The following CEP112 variants were observed in gnomAD, a reference collection of about 807,000 sequenced individuals.
CEP112 encodes centrosomal protein of 112 kDa.
In CEP112, 127 loss-of-function variants were observed where a neutral mutation model predicts 153.0. The ratio of observed to expected loss-of-function variants is 0.83; its 90% CI spans 0.72 to 0.96. The LOEUF (loss-of-function observed/expected upper bound fraction) is 0.96. Among genes scored for constraint, CEP112 ranks in the 40% least tolerant of loss-of-function variants. CEP112 has a pLI of 0.00. For synonymous variants in CEP112, 358 were observed against 374.4 expected, an observed-to-expected ratio of 0.96 and a Z score of 0.51; for missense variants, 1,089 against 1,101.2, an observed-to-expected ratio of 0.99 and a Z score of 0.16.
intron 19 of CEP112, among the ~76,000 whole-genome samples, chr17:65,925,177 A>T (rs1424816520): frequency 6.6e-6 from 1 of 152,170 alleles, no homozygotes; most frequent in Non-Finnish European, 1.5e-5. Flanking sequence ...TAAGTCTCAC[A>T]AGATCCGACG....
At position 65,790,910 on chromosome 17, in the gene CEP112, A is replaced by G. The variant is rs112227280; in HGVS notation, c.2395-40186T>C. ...GCTAAACCTTCCATCTTAGTCTAAC[A>G]CCCTTGCGTTGGGGATGTACCTGAC... On this transcript the variant is annotated intron_variant, in intron 21 of 26. Transcript: ENST00000535342. Among the ~76,000 whole-genome samples, 858 of 152,110 alleles carry G rather than the reference A, an allele frequency of 5.6e-3. 10 individuals are homozygous for G. Among genetic ancestry groups the G allele is most frequent in the African/African-American group, 0.019 (803 of 41,478 alleles).
intron 4 of CEP112, among the ~76,000 whole-genome samples, chr17:66,159,235 G>C (rs2071586805): frequency 6.6e-6 from 1 of 152,108 alleles, no homozygotes; most frequent in Admixed American, 6.5e-5. Flanking sequence ...AAAAGCCCAG[G>C]TCCAGATGGA....
chr17:65,682,624 C>T (rs2047588705), intron 24 of CEP112, among the ~76,000 whole-genome samples: 1 of 152,158 alleles, frequency 6.6e-6, no homozygotes, highest in African/African-American at 2.4e-5. Flanking sequence ...AAAGAGTAGA[C>T]ACTCAGTAAC....
chr17:65,752,471 C>T (rs1008923780), intron 21 of CEP112, among the ~76,000 whole-genome samples: 1 of 152,174 alleles, frequency 6.6e-6, no homozygotes, highest in Admixed American at 6.5e-5. Context: ...AGAAGGGCAT[C>T]AAGGTGTTCA....
chr17:66,079,520 T>C (rs1201089766), intron 8 of CEP112, among the ~76,000 whole-genome samples: 1 of 152,014 alleles, frequency 6.6e-6, no homozygotes, highest in Non-Finnish European at 1.5e-5. Flanking sequence ...CACAAACAAA[T>C]GAAAAAACAT....
chr17:66,150,673 T>G (rs988454845), intron 4 of CEP112, among the ~76,000 whole-genome samples: 2 of 152,240 alleles, frequency 1.3e-5, no homozygotes, highest in Non-Finnish European at 2.9e-5. Context: ...AGTTATTGGA[T>G]GGGGTATTTT....
At chr17:65,691,637 T>G (rs60533870) in intron 23 of CEP112, among the ~76,000 whole-genome samples, 2,251 of 152,262 alleles carry the variant, frequency 0.015, 59 homozygotes, top group African/African-American at 0.051. Context: ...ATAATTCTGT[T>G]GTTGTGTTCT....
At chr17:65,788,329 C>A (rs1237243952) in intron 21 of CEP112, among the ~76,000 whole-genome samples, 1 of 152,154 alleles carries the variant, frequency 6.6e-6, no homozygotes, top group African/African-American at 2.4e-5. Flanking sequence ...AGGAATTTTA[C>A]ACTTAAAATT....
intron 17 of CEP112, among the ~76,000 whole-genome samples, chr17:65,979,858 T>C (rs1024866904): frequency 1.3e-5 from 2 of 152,142 alleles, no homozygotes; most frequent in African/African-American, 4.8e-5. Flanking sequence ...AAACCTTGCA[T>C]GATGAATTGG....
intron 18 of CEP112, among the ~76,000 whole-genome samples, chr17:65,959,943 A>G (rs2062139917): frequency 6.6e-6 from 1 of 152,176 alleles, no homozygotes; most frequent in Admixed American, 6.5e-5. Flanking sequence ...GGGCCTTAGC[A>G]AAACTCAGGC....
At chr17:66,085,339 C>G (rs1251185127) in intron 8 of CEP112, among the ~76,000 whole-genome samples, 1 of 152,178 alleles carries the variant, frequency 6.6e-6, no homozygotes, top group Non-Finnish European at 1.5e-5. Context: ...AGCCAATACT[C>G]CATACACTCC....
chr17:65,776,991 C>T (rs1156795834), intron 21 of CEP112, among the ~76,000 whole-genome samples: 1 of 152,186 alleles, frequency 6.6e-6, no homozygotes, highest in Non-Finnish European at 1.5e-5. Flanking sequence ...CACCTATTCT[C>T]CCTTCTTCCA....
intron 23 of CEP112, among the ~76,000 whole-genome samples, chr17:65,701,302 C>T (rs563490743): frequency 6.6e-6 from 1 of 152,174 alleles, no homozygotes; most frequent in South Asian, 2.1e-4. Context: ...GAATAGGTGG[C>T]TAGGGTGCTG....
intron 16 of CEP112, among the ~76,000 whole-genome samples, chr17:66,016,642 A>G (rs1313752487): frequency 6.6e-6 from 1 of 152,102 alleles, no homozygotes; most frequent in Non-Finnish European, 1.5e-5. Flanking sequence ...GAAACCAACA[A>G]GGAATTGCTA....
At chr17:65,648,195 TC>T in intron 24 of CEP112, among the ~76,000 whole-genome samples, 1 of 152,262 alleles carries the variant, frequency 6.6e-6, no homozygotes, top group South Asian at 2.1e-4. Flanking sequence ...CTCTTCCACA[TC>T]CCTCAACCAC....
At position 66,014,429 on chromosome 17, in the gene CEP112, G is replaced by T. The variant is rs544027913; in HGVS notation, c.1657-8660C>A. ...GACTGGCCCCATCTGCTCTGTTCAGGTTCAACAATTCTTTTAAGGCTAAAG... is the reference window on the plus strand; with the variant it reads ...GACTGGCCCCATCTGCTCTGTTCAGTTTCAACAATTCTTTTAAGGCTAAAG... On this transcript the variant is annotated intron_variant, in intron 16 of 26. Transcript: ENST00000535342. Among the ~76,000 whole-genome samples the T allele has an allele frequency of 9.8e-5, 15 of 152,294 alleles. No individual in the cohort carries two copies. The East Asian group carries it at 2.9e-3, about 29-fold the overall frequency.
At chr17:66,160,637 T>C (rs1435767332) in intron 4 of CEP112, among the ~76,000 whole-genome samples, 1 of 152,208 alleles carries the variant, frequency 6.6e-6, no homozygotes. Flanking sequence ...GCTAGCCATA[T>C]GCAGAAAACT....
intron 23 of CEP112, among the ~76,000 whole-genome samples, chr17:65,708,079 T>C (rs1222316701): frequency 6.6e-6 from 1 of 152,162 alleles, no homozygotes. Context: ...TTCTTTGAAA[T>C]GAACCACCAC....
chr17:65,876,459 A>G (rs2058829544), intron 20 of CEP112, among the ~76,000 whole-genome samples: 1 of 152,182 alleles, frequency 6.6e-6, no homozygotes, highest in Non-Finnish European at 1.5e-5. Context: ...GTTCCTACAT[A>G]GAGGACCTGA....
Sources: gnomAD v4.1 joint callset for allele counts (sites outside exome capture counted in the v4.1 genomes callset) on GRCh38, gnomAD v4.1.1 for gene constraint, MANE v1.5 for transcripts, NCBI Gene and HGNC (gene_info 2026-07-23, HGNC 2026-07-21) for gene names.